The following DNM1L variants were observed in gnomAD, a reference collection of about 807,000 sequenced individuals.
The protein encoded by DNM1L is dynamin-1-like protein.
A neutral mutation model predicts 92.8 loss-of-function variants in DNM1L; 33 were observed. The observed-to-expected ratio is 0.36, with a 90% CI of 0.27 to 0.48. DNM1L has a LOEUF of 0.48. DNM1L is among the 20% of genes least tolerant of loss of function. DNM1L has a pLI of 0.99. For missense variants in DNM1L, 485 were observed against 888.8 expected, an observed-to-expected ratio of 0.55 and a Z score of 5.78; for synonymous variants, 284 against 305.0, an observed-to-expected ratio of 0.93 and a Z score of 0.72.
intron 5 of DNM1L, 126 bp from the exon 6 acceptor site, chr12:32,713,083 T>G: frequency 1.1e-6 from 1 of 869,680 alleles, no homozygotes; most frequent in Non-Finnish European, 1.7e-6. Context: ...AGTATATTAG[T>G]AATGTCTTTA....
At position 32,740,462 on chromosome 12, in the gene DNM1L, T is replaced by A. The variant is rs1272817588; in HGVS notation, c.1938T>A (p.Val646=). The A allele has an allele frequency of 6.2e-7, 1 of 1,614,122 alleles. No individual in the cohort carries two copies. The highest frequency in any genetic ancestry group is 8.5e-7 in the Non-Finnish European group (1 of 1,179,988). Residue 646 remains valine, a synonymous_variant, in exon 18 of 20, where the codon GTT becomes GTA. Coordinates refer to ENST00000549701, the MANE Select transcript of DNM1L (RefSeq NM_012062.5). ...CTCGGGAACAGCGAGATTGTGAGGT[T>A]ATTGAACGACTCATTAAATCATATT... is the stretch of plus-strand genomic sequence containing the variant. The part of the protein sequence containing the change: ...LSAREQRDCE[V]IERLIKSYFL...
intron 2 of DNM1L, among the ~76,000 whole-genome samples, chr12:32,705,000 G>GTTTTTT (rs35375744): frequency 1.7e-5 from 2 of 118,874 alleles, no homozygotes; most frequent in Admixed American, 8.9e-5. Flanking sequence ...CTCAGGCAAA[G>GTTTTTT]TTTTTTTTTT....
At chr12:32,717,341 CTATATATTATATATAGTATATATAA>C (rs1565517453) in intron 6 of DNM1L, among the ~76,000 whole-genome samples, 6,438 of 82,908 alleles carry the variant, frequency 0.078, 383 homozygotes, top group Middle Eastern at 0.086. Context: ...TTTATATATA[CTATATATTATATATAGTATATATAA>C]TATATATACT....
intron 13 of DNM1L, among the ~76,000 whole-genome samples, chr12:32,734,779 A>G (rs752718166): frequency 6.6e-6 from 1 of 152,190 alleles, no homozygotes; most frequent in Non-Finnish European, 1.5e-5. Flanking sequence ...ATTGCACTCC[A>G]GCCTGGGCAA....
chr12:32,718,841 T>A (rs1953668372), intron 7 of DNM1L, 78 bp downstream of exon 7: 4 of 1,582,340 alleles, frequency 2.5e-6, no homozygotes, highest in Non-Finnish European at 2.6e-6. Context: ...AGAGCAAGTC[T>A]GAATTTCTAA....
At chr12:32,694,689 A>G (rs188022668) in intron 1 of DNM1L, among the ~76,000 whole-genome samples, 2 of 152,288 alleles carry the variant, frequency 1.3e-5, no homozygotes, top group African/African-American at 4.8e-5. Context: ...AAAACCAAAA[A>G]CACATAGAAA....
At position 32,744,503 on chromosome 12, in the gene DNM1L, T is replaced by C. The variant is rs1971910; in HGVS notation, c.*1093T>C. On this transcript the variant is annotated 3_prime_UTR_variant, in exon 20 of 20. Coordinates refer to ENST00000549701, the MANE Select transcript of DNM1L (RefSeq NM_012062.5). ...CCGAGGCAGGTGGATCACCTGAGGT[T>C]GGGAGTTGGAGACCAGCTTGACCAA... is the stretch of plus-strand genomic sequence containing the variant. The C allele has an allele frequency of 0.21, 35,875 of 174,954 alleles. 4,840 individuals are homozygous for C. Among genetic ancestry groups the C allele is most frequent in the African/African-American group, 0.41 (16,869 of 41,606 alleles). The allele number at this position is 174,954 out of a possible 1,614,324, so 10.8% of individuals were successfully genotyped here. A position where few individuals can be genotyped will look rare whatever the true frequency, so the allele number is the denominator to read the frequency against.
Position 32,713,256 on chromosome 12 carries a change from G to A in DNM1L, c.504G>A (p.Glu168=). Reference sequence around the variant, plus strand: ...AGGATATTGAGCTTCAAATCAGAGAGCTCATTCTTCGGTTCATCAGTAATC... The same window carrying A: ...AGGATATTGAGCTTCAAATCAGAGAACTCATTCTTCGGTTCATCAGTAATC... ...QPKDIELQIR[E]LILRFISNPN... The change falls in exon 6 of 20, where the codon GAG becomes GAA. Residue 168 remains glutamate, a synonymous_variant. Coordinates refer to ENST00000549701, the MANE Select transcript of DNM1L (RefSeq NM_012062.5). 1 of 1,613,930 alleles carries A rather than the reference G, an allele frequency of 6.2e-7. No individual in the cohort carries two copies. Among genetic ancestry groups the A allele is most frequent in the Non-Finnish European group, 8.5e-7 (1 of 1,179,948 alleles).
At chr12:32,728,595 G>A (rs1489528346) in intron 9 of DNM1L, 1 of 152,132 alleles carries the variant, frequency 6.6e-6, no homozygotes, top group Non-Finnish European at 1.5e-5. Context: ...TTTATTTCAG[G>A]GTTTGGGAGA....
At chr12:32,709,776 T>C (rs761452058) in intron 4 of DNM1L, among the ~76,000 whole-genome samples, 11 of 152,216 alleles carry the variant, frequency 7.2e-5, no homozygotes, top group Non-Finnish European at 1.0e-4. Flanking sequence ...GGGAATGCCA[T>C]GGCAATAAAG....
intron 1 of DNM1L, among the ~76,000 whole-genome samples, chr12:32,699,367 G>T (rs1008224997): frequency 6.6e-6 from 1 of 151,938 alleles, no homozygotes; most frequent in Non-Finnish European, 1.5e-5. Flanking sequence ...TATGGATAAA[G>T]AACTTTATTA....
At chr12:32,742,183 C>T (rs1305992701) in intron 18 of DNM1L, among the ~76,000 whole-genome samples, 3 of 152,034 alleles carry the variant, frequency 2.0e-5, no homozygotes, top group African/African-American at 4.8e-5. Context: ...TGGCTCACTG[C>T]AATCTCCACC....
chr12:32,691,232 C>T (rs1309077636), intron 1 of DNM1L, among the ~76,000 whole-genome samples: 2 of 151,986 alleles, frequency 1.3e-5, no homozygotes, highest in African/African-American at 4.8e-5. Flanking sequence ...ATTATGGGCC[C>T]AGCACCCCAG....
At chr12:32,699,560 C>G (rs752252312) in intron 1 of DNM1L, among the ~76,000 whole-genome samples, 6 of 152,060 alleles carry the variant, frequency 3.9e-5, no homozygotes, top group Non-Finnish European at 8.8e-5. Flanking sequence ...CTTTGGGAGG[C>G]TGAGGCGGGC....
At chr12:32,698,856 A>G (rs951432901) in intron 1 of DNM1L, among the ~76,000 whole-genome samples, 1 of 152,100 alleles carries the variant, frequency 6.6e-6, no homozygotes. Flanking sequence ...TATGTATGTT[A>G]AATTTCCTGA....
intron 13 of DNM1L, among the ~76,000 whole-genome samples, chr12:32,734,737 A>T (rs1190465407): frequency 1.3e-5 from 2 of 152,174 alleles, no homozygotes; most frequent in African/African-American, 4.8e-5. Context: ...TGAACCCAGG[A>T]GGTGGAGGTT....
In DNM1L at chr12:32,740,432, A is replaced by T. The variant is rs1391963037; in HGVS notation, c.1908A>T (p.Leu636=). Residue 636 remains leucine, a synonymous_variant, in exon 18 of 20, where the codon CTA becomes CTT. Coordinates refer to ENST00000549701, the MANE Select transcript of DNM1L (RefSeq NM_012062.5). ...AGCCAGTTCCTGTTGCACGAAAACT[A>T]TCTGCTCGGGAACAGCGAGATTGTG... The part of the protein sequence containing the change: ...LDVPVPVARK[L]SAREQRDCEV... 3 of 1,614,122 alleles carry T rather than the reference A, an allele frequency of 1.9e-6. No individual in the cohort carries two copies. In the South Asian group the frequency reaches 3.3e-5, roughly 18 times the overall value.
chr12:32,706,528 A>G (rs187604831), intron 2 of DNM1L, among the ~76,000 whole-genome samples: 143 of 152,354 alleles, frequency 9.4e-4, no homozygotes, highest in African/African-American at 3.4e-3. Context: ...GTTTTAGACT[A>G]CTTCACACAG....
At position 32,744,454 on chromosome 12, in the gene DNM1L, C is replaced by T. The variant is rs929126636; in HGVS notation, c.*1044C>T. 5.8e-6 allele frequency: 1 copy of T among 172,100 alleles called. No individual in the cohort carries two copies. Among genetic ancestry groups the T allele is most frequent in the Non-Finnish European group, 1.2e-5 (1 of 82,174 alleles). The allele number at this position is 172,100 out of a possible 1,614,324, so 10.7% of individuals were successfully genotyped here. On this transcript the variant is annotated 3_prime_UTR_variant, in exon 20 of 20. Transcript: ENST00000549701. ...CAAGGCTGGGCGTGGTGGCACACGC[C>T]TGTAATCCCAGCACTTTGGGAGGCC...
Sources: gnomAD v4.1 joint callset for allele counts (sites outside exome capture counted in the v4.1 genomes callset) on GRCh38, gnomAD v4.1.1 for gene constraint, MANE v1.5 for transcripts, NCBI Gene and HGNC (gene_info 2026-07-23, HGNC 2026-07-21) for gene names.